GALC: variants seen among roughly 807,000 people sequenced by gnomAD.
GALC encodes galactosylceramidase.
In GALC, 77 loss-of-function variants were observed where a neutral mutation model predicts 91.8. The observed-to-expected ratio is 0.84, with a 90% CI of 0.70 to 1.01. The LOEUF is 1.01. GALC is among the 50% of genes least tolerant of loss of function. The pLI, the probability that GALC is intolerant of heterozygous loss-of-function variation, is 0.00. For missense variants in GALC, 882 were observed against 855.9 expected (o/e 1.03, Z -0.38); for synonymous variants, 357 against 306.7 (o/e 1.16, Z -1.71).
chr14:87,949,244 A>C (rs1595197462), intron 12 of GALC, among the ~76,000 whole-genome samples: 1 of 152,064 alleles, frequency 6.6e-6, no homozygotes, highest in Non-Finnish European at 1.5e-5. Context: ...GAAAAATGTA[A>C]GTTTAGTATG....
At chr14:87,944,370 C>T (rs1222089135) in intron 14 of GALC, among the ~76,000 whole-genome samples, 2 of 151,864 alleles carry the variant, frequency 1.3e-5, no homozygotes, top group African/African-American at 4.8e-5. Context: ...TCCTATACGG[C>T]GACTTCAAAA....
chr14:87,979,167 G>A (rs1161740151), intron 6 of GALC, among the ~76,000 whole-genome samples: 3 of 152,044 alleles, frequency 2.0e-5, no homozygotes, highest in South Asian at 2.1e-4. Context: ...TGGGATTACA[G>A]GCGTCTGCCA....
chr14:87,983,732 G>C (rs79269023), intron 5 of GALC, among the ~76,000 whole-genome samples: 17,214 of 152,248 alleles, frequency 0.11, 1,145 homozygotes, highest in Non-Finnish European at 0.16. Flanking sequence ...ACCCAGCCAA[G>C]AGACAAGCTG....
chr14:87,942,182 C>G (rs1252249437), intron 14 of GALC, among the ~76,000 whole-genome samples: 1 of 151,998 alleles, frequency 6.6e-6, no homozygotes. Flanking sequence ...ACTGGCCCTA[C>G]CCCACAGCGT....
In GALC at chr14:87,944,621, A is replaced by G. The variant is rs528730766; in HGVS notation, c.1670+932T>C. 2.6e-5 allele frequency among the ~76,000 whole-genome samples: 4 copies of G among 152,162 alleles called. No homozygotes were observed. The South Asian group carries it at 8.3e-4, about 32-fold the overall frequency. On this transcript the variant is annotated intron_variant, in intron 14 of 16. Coordinates refer to ENST00000261304, the MANE Select transcript of GALC (RefSeq NM_000153.4). ...TCACTGCACCTCAATAACTCTTCAT[A>G]GTGTTATAAGGGTTCCAGGGGCTCT...
chr14:87,977,032 T>TGGG lies in GALC; in HGVS notation c.622-547_622-545dup, dbSNP rs146514962. 1.4e-3 allele frequency among the ~76,000 whole-genome samples: 135 copies of TGGG among 95,824 alleles called. 1 individual carries two copies. The highest frequency in any genetic ancestry group is 4.2e-3 in the African/African-American group (86 of 20,302). The allele number at this position is 95,824 out of a possible 152,430, so 62.9% of individuals were successfully genotyped here. On this transcript the variant is annotated intron_variant, in intron 6 of 16. Coordinates refer to ENST00000261304, the MANE Select transcript of GALC (RefSeq NM_000153.4). ...AAAATTACGTTTAACCATAGAAATATGGGGGGGGGGGGATGAAACAAAAAT... is the reference window on the plus strand; with the variant it reads ...AAAATTACGTTTAACCATAGAAATATGGGGGGGGGGGGGGGATGAAACAAAAAT...
intron 10 of GALC, chr14:87,954,611 T>G (rs1885443257): frequency 1.9e-6 from 3 of 1,591,026 alleles, no homozygotes; most frequent in Non-Finnish European, 1.7e-6. Flanking sequence ...ACCTTCCTTT[T>G]GGAAGATATC....
upstream of GALC, chr14:87,993,310 AG>A (rs1394173165): frequency 6.5e-7 from 1 of 1,537,108 alleles, no homozygotes; most frequent in Non-Finnish European, 8.7e-7. Context: ...CGGAGTGTTG[AG>A]AAAAGAAGCA....
At chr14:87,967,465 C>T (rs1566992389) in intron 8 of GALC, among the ~76,000 whole-genome samples, 1 of 152,072 alleles carries the variant, frequency 6.6e-6, no homozygotes, top group East Asian at 1.9e-4. Flanking sequence ...AGAACAAATA[C>T]AATATACAGC....
At chr14:87,983,516 T>G (rs184576768) in intron 5 of GALC, among the ~76,000 whole-genome samples, 66 of 152,320 alleles carry the variant, frequency 4.3e-4, no homozygotes, top group African/African-American at 1.5e-3. Context: ...CTTATTAATC[T>G]TAGTAGCCCT....
intron 15 of GALC, among the ~76,000 whole-genome samples, chr14:87,940,975 A>AT: frequency 6.6e-6 from 1 of 151,920 alleles, no homozygotes; most frequent in Non-Finnish European, 1.5e-5. Flanking sequence ...CAAAAATGAG[A>AT]TTTTTCCATT....
intron 7 of GALC, among the ~76,000 whole-genome samples, chr14:87,972,151 TACAC>T (rs1886317803): frequency 6.8e-6 from 1 of 147,968 alleles, no homozygotes; most frequent in Admixed American, 6.8e-5. Flanking sequence ...TAAAAAATAA[TACAC>T]AGATAAGTTG....
At chr14:87,969,471 C>A (rs1886190801) in intron 7 of GALC, among the ~76,000 whole-genome samples, 1 of 151,982 alleles carries the variant, frequency 6.6e-6, no homozygotes, top group African/African-American at 2.4e-5. Flanking sequence ...TTGTGGAAGA[C>A]ACTGATTATA....
intron 6 of GALC, chr14:87,981,430 CACCTATTCTCCAAAA>C (rs1173248916): frequency 5.2e-6 from 1 of 191,064 alleles, no homozygotes; most frequent in Non-Finnish European, 1.0e-5. Flanking sequence ...AACCAAATAC[CACCTATTCTCCAAAA>C]ACCTATGGAA....
intron 10 of GALC, chr14:87,954,167 G>C: frequency 2.5e-6 from 4 of 1,597,026 alleles, no homozygotes; most frequent in Non-Finnish European, 3.4e-6. Context: ...TACTGGCACA[G>C]GTGTCCTCAA....
At chr14:87,966,653 T>C (rs1382797514) in intron 8 of GALC, among the ~76,000 whole-genome samples, 1 of 152,184 alleles carries the variant, frequency 6.6e-6, no homozygotes, top group Non-Finnish European at 1.5e-5. Flanking sequence ...AGATGTGTGG[T>C]ATCCTTTCTG....
At chr14:87,993,467 A>G (rs1410089942), upstream of GALC, 20 of 1,535,696 alleles carry the variant, frequency 1.3e-5, no homozygotes, top group East Asian at 2.4e-4. Context: ...GAAGAGGGCC[A>G]TGAGTGGCCC....
At chr14:87,967,489 A>G (rs1203691118) in intron 8 of GALC, among the ~76,000 whole-genome samples, 1 of 152,232 alleles carries the variant, frequency 6.6e-6, no homozygotes, top group East Asian at 1.9e-4. Flanking sequence ...CCACATTAAC[A>G]TCACAACAAA....
intron 10 of GALC, among the ~76,000 whole-genome samples, chr14:87,960,465 G>C (rs563960163): frequency 4.7e-4 from 71 of 152,256 alleles, no homozygotes; most frequent in Non-Finnish European, 9.4e-4. Flanking sequence ...GGCATACCCT[G>C]ATTTGACCAT....
Sources: gnomAD v4.1 joint callset for allele counts (sites outside exome capture counted in the v4.1 genomes callset) on GRCh38, gnomAD v4.1.1 for gene constraint, MANE v1.5 for transcripts, NCBI Gene and HGNC (gene_info 2026-07-23, HGNC 2026-07-21) for gene names.